The following PCGF6 variants were observed in gnomAD, a reference collection of about 807,000 sequenced individuals.
PCGF6 encodes polycomb group ring finger 6, also known as polycomb group RING finger protein 6.
Under a neutral mutation model 45.5 loss-of-function variants are expected in PCGF6, and 24 were observed. That is an observed-to-expected ratio of 0.53 (90% CI 0.38 to 0.74). The LOEUF (loss-of-function observed/expected upper bound fraction) is 0.74. PCGF6 is among the 30% of genes least tolerant of loss of function. The pLI, the probability that PCGF6 is intolerant of heterozygous loss-of-function variation, is 0.00. For missense variants in PCGF6, 356 were observed against 443.2 expected (o/e 0.80, Z 1.77); for synonymous variants, 152 against 162.1 (o/e 0.94, Z 0.47).
chr10:103,324,775 C>CAA (rs1201045698), intron 8 of PCGF6, among the ~76,000 whole-genome samples: 51 of 86,812 alleles, frequency 5.9e-4, no homozygotes, highest in African/African-American at 1.9e-3. Context: ...AAAAAAAAAC[C>CAA]AAAAAAAAAA....
chr10:103,328,855 G>C (rs144517794), intron 7 of PCGF6, among the ~76,000 whole-genome samples: 7 of 151,632 alleles, frequency 4.6e-5, no homozygotes, highest in African/African-American at 1.7e-4. Flanking sequence ...GGATTCAAGC[G>C]ATTCTCTTGC....
At chr10:103,310,318 A>G (rs986595996) in intron 9 of PCGF6, among the ~76,000 whole-genome samples, 2 of 152,076 alleles carry the variant, frequency 1.3e-5, no homozygotes, top group Non-Finnish European at 2.9e-5. Flanking sequence ...TGACAAAATC[A>G]TAACAATGGT....
At chr10:103,307,226 T>C (rs192043148) in intron 9 of PCGF6, among the ~76,000 whole-genome samples, 35 of 152,282 alleles carry the variant, frequency 2.3e-4, no homozygotes, top group Non-Finnish European at 4.4e-4. Context: ...GAGTATCACT[T>C]GAGCTCAGGA....
chr10:103,337,608 T>A (rs147690464), intron 6 of PCGF6, among the ~76,000 whole-genome samples: 1 of 152,140 alleles, frequency 6.6e-6, no homozygotes, highest in Non-Finnish European at 1.5e-5. Context: ...ATAGAAACTA[T>A]AGAACAAAAA....
At chr10:103,327,897 A>T (rs982261657) in intron 7 of PCGF6, among the ~76,000 whole-genome samples, 4 of 150,618 alleles carry the variant, frequency 2.7e-5, no homozygotes, top group Non-Finnish European at 4.4e-5. Context: ...GCATGGTCTC[A>T]ATCTCCTGAC....
chr10:103,316,567 T>C lies in PCGF6; in HGVS notation c.910-2295A>G, dbSNP rs549925683. ...GCTAGTAAATAGCAAAGTTCAGATA[T>C]AAACCCAGGTCTGTCCAAGATCTAA... On this transcript the variant is annotated intron_variant, in intron 8 of 9. Coordinates refer to ENST00000369847, the MANE Select transcript of PCGF6 (RefSeq NM_001011663.2). Among the ~76,000 whole-genome samples, 6 of 152,258 alleles carry C rather than the reference T, an allele frequency of 3.9e-5. No homozygotes were observed. In the East Asian group the frequency reaches 9.6e-4, roughly 24 times the overall value.
At chr10:103,315,253 A>G (rs1449391102) in intron 8 of PCGF6, among the ~76,000 whole-genome samples, 2 of 151,632 alleles carry the variant, frequency 1.3e-5, no homozygotes, top group African/African-American at 4.8e-5. Flanking sequence ...TGGCCCAATC[A>G]TAGCTCATTG....
At chr10:103,319,037 TA>T (rs774277983) in intron 8 of PCGF6, among the ~76,000 whole-genome samples, 1 of 152,318 alleles carries the variant, frequency 6.6e-6, no homozygotes, top group East Asian at 1.9e-4. Flanking sequence ...GTAGTCTTAT[TA>T]AAAGGAGAAA....
At chr10:103,346,307 C>A (rs1010754606) in intron 5 of PCGF6, among the ~76,000 whole-genome samples, 2 of 151,674 alleles carry the variant, frequency 1.3e-5, no homozygotes, top group South Asian at 4.2e-4. Context: ...GCCTGACAAA[C>A]ATGGAGAAAC....
intron 7 of PCGF6, among the ~76,000 whole-genome samples, chr10:103,331,695 C>CTT (rs2093240561): frequency 6.6e-6 from 1 of 152,132 alleles, no homozygotes; most frequent in South Asian, 2.1e-4. Context: ...CATCTCTTTC[C>CTT]TTTTTAATTT....
At chr10:103,349,040 C>A (rs755627382) in intron 1 of PCGF6, 41 bp from the exon 2 acceptor site, 26 of 1,522,160 alleles carry the variant, frequency 1.7e-5, no homozygotes, top group Admixed American at 1.6e-4. Flanking sequence ...CAAGTCCTTG[C>A]CTTTTACAAA....
At chr10:103,337,177 G>A (rs955906739) in intron 6 of PCGF6, among the ~76,000 whole-genome samples, 2 of 152,052 alleles carry the variant, frequency 1.3e-5, no homozygotes, top group South Asian at 2.1e-4. Context: ...CAATACTCTT[G>A]TTGGACTAAG....
intron 7 of PCGF6, among the ~76,000 whole-genome samples, chr10:103,332,981 G>T (rs1000660261): frequency 7.9e-5 from 12 of 152,006 alleles, no homozygotes; most frequent in Admixed American, 4.6e-4. Context: ...GGGCGTGGTG[G>T]TGCATGCCTG....
Position 103,351,118 on chromosome 10 carries a change from G to T in PCGF6, c.-52C>A, listed in dbSNP as rs760990476. 11 of 1,335,082 alleles carry T rather than the reference G, an allele frequency of 8.2e-6. No homozygotes were observed. The highest frequency in any genetic ancestry group is 8.6e-6 in the Non-Finnish European group (9 of 1,042,424). 82.7% of individuals were successfully genotyped at this position (1,335,082 alleles called of 1,614,324 possible). A position where few individuals can be genotyped will look rare whatever the true frequency, so the allele number is the denominator to read the frequency against. ...AGGCGGCGGGAGAGCGCGGGAGTTCGGCCGGCCTCGGACGCCACCACTGCG... is the reference window on the plus strand; with the variant it reads ...AGGCGGCGGGAGAGCGCGGGAGTTCTGCCGGCCTCGGACGCCACCACTGCG... On this transcript the variant is annotated 5_prime_UTR_variant, in exon 1 of 10. Transcript: ENST00000369847.
chr10:103,312,853 C>T (rs887947903), intron 9 of PCGF6, among the ~76,000 whole-genome samples: 4 of 151,970 alleles, frequency 2.6e-5, no homozygotes, highest in Admixed American at 6.6e-5. Context: ...CCCAGCTACT[C>T]GGGAGGCTGA....
At chr10:103,350,591 C>A (rs1490646587) in intron 1 of PCGF6, 116 bp downstream of exon 1, 1 of 1,105,644 alleles carries the variant, frequency 9.0e-7, no homozygotes, top group African/African-American at 1.7e-5. Context: ...GAGGTCCGCT[C>A]CAGTGCTCCG....
chr10:103,335,568 G>A (rs766983162), intron 6 of PCGF6, among the ~76,000 whole-genome samples: 15 of 151,976 alleles, frequency 9.9e-5, no homozygotes, highest in Non-Finnish European at 2.1e-4. Context: ...TCACCATGTT[G>A]TTCAGGATGG....
chr10:103,333,543 C>T (rs2093247282), intron 7 of PCGF6, among the ~76,000 whole-genome samples: 1 of 152,040 alleles, frequency 6.6e-6, no homozygotes, highest in East Asian at 1.9e-4. Context: ...TCATTCTTAC[C>T]TCTAAAACTT....
intron 6 of PCGF6, among the ~76,000 whole-genome samples, chr10:103,335,879 A>C (rs1411633297): frequency 6.6e-6 from 1 of 151,850 alleles, no homozygotes; most frequent in Non-Finnish European, 1.5e-5. Context: ...AGGCAGGAGA[A>C]CTGCTTGAAC....
Sources: gnomAD v4.1 joint callset for allele counts (sites outside exome capture counted in the v4.1 genomes callset) on GRCh38, gnomAD v4.1.1 for gene constraint, MANE v1.5 for transcripts, NCBI Gene and HGNC (gene_info 2026-07-23, HGNC 2026-07-21) for gene names.